LPCAT2: variants seen among roughly 807,000 people sequenced by gnomAD.
LPCAT2 encodes 1-AGP acyltransferase 11.
LPCAT2 carries 58 observed loss-of-function variants against 64.7 expected under a neutral mutation model. That is an observed-to-expected ratio of 0.90 (90% confidence interval 0.73 to 1.12). The LOEUF is 1.12. Among genes scored for constraint, LPCAT2 ranks in the 50% most tolerant of loss-of-function variants. LPCAT2 has a pLI of 0.00. For missense variants in LPCAT2, 579 were observed against 669.8 expected (o/e 0.86, Z 1.50); for synonymous variants, 252 against 245.3 (o/e 1.03, Z -0.26).
intron 1 of LPCAT2, among the ~76,000 whole-genome samples, chr16:55,517,363 A>G (rs1463410551): frequency 5.9e-5 from 9 of 152,164 alleles, no homozygotes; most frequent in Admixed American, 5.2e-4. Flanking sequence ...AACATCCCAC[A>G]GAGAAAAGTT....
chr16:55,572,097 A>G (rs1337213934), intron 11 of LPCAT2, among the ~76,000 whole-genome samples: 1 of 152,166 alleles, frequency 6.6e-6, no homozygotes, highest in African/African-American at 2.4e-5. Flanking sequence ...TGTGATCATC[A>G]AGATTCTTTG....
rs1165257570 is a variant in LPCAT2, at chr16:55,586,268, C to G, written c.*3170C>G. On this transcript the variant is annotated 3_prime_UTR_variant, in exon 14 of 14. Coordinates refer to ENST00000262134, the MANE Select transcript of LPCAT2 (RefSeq NM_017839.5). ...ACTGTAACTCTTGTTTCTAGGTAAT[C>G]GTTCTCTCTCAACAAACTTCTCAAG... 6.6e-6 allele frequency: 1 copy of G among 152,092 alleles called. No homozygotes were observed. Among genetic ancestry groups the G allele is most frequent in the Non-Finnish European group, 1.5e-5 (1 of 68,016 alleles). The allele number at this position is 152,092 out of a possible 1,614,324, so 9.4% of individuals were successfully genotyped here.
chr16:55,534,091 GC>G (rs1475043885), intron 6 of LPCAT2, among the ~76,000 whole-genome samples: 7 of 151,960 alleles, frequency 4.6e-5, no homozygotes, highest in African/African-American at 1.7e-4. Flanking sequence ...CCCCAAATAA[GC>G]TTTTTTTTGA....
intron 8 of LPCAT2, chr16:55,540,943 GTCTC>G (rs1371310205): frequency 6.6e-6 from 1 of 152,474 alleles, no homozygotes; most frequent in Admixed American, 6.6e-5. Context: ...TGTGAATGTG[GTCTC>G]TCTCTCTCTG....
chr16:55,562,746 T>G (rs1333902028), intron 11 of LPCAT2, among the ~76,000 whole-genome samples: 8 of 151,824 alleles, frequency 5.3e-5, no homozygotes, highest in Admixed American at 2.0e-4. Context: ...AAGGGCGATA[T>G]TATTATTATC....
intron 1 of LPCAT2, among the ~76,000 whole-genome samples, chr16:55,521,499 A>G (rs2142393410): frequency 6.6e-6 from 1 of 151,906 alleles, no homozygotes; most frequent in Admixed American, 6.6e-5. Flanking sequence ...TTACCTTGAT[A>G]CCAAATCTGA....
chr16:55,545,408 A>C (rs2142394867), intron 8 of LPCAT2: 1 of 201,396 alleles, frequency 5.0e-6, no homozygotes, highest in Non-Finnish European at 9.9e-6. Flanking sequence ...GAGGAGAAAG[A>C]TCTTAGTAGC....
intron 1 of LPCAT2, among the ~76,000 whole-genome samples, chr16:55,524,686 AG>A (rs1351737102): frequency 6.6e-6 from 1 of 152,096 alleles, no homozygotes; most frequent in Non-Finnish European, 1.5e-5. Flanking sequence ...ATCAGCTTAT[AG>A]AAAAAAAGGC....
intron 1 of LPCAT2, among the ~76,000 whole-genome samples, chr16:55,519,890 T>G (rs1963071089): frequency 6.6e-6 from 1 of 151,608 alleles, no homozygotes. Context: ...TGACTAAAAG[T>G]ACAAGAAGGT....
At chr16:55,528,190 C>T (rs1205693514) in intron 2 of LPCAT2, among the ~76,000 whole-genome samples, 187 bp from the exon 3 acceptor site, 1 of 152,124 alleles carries the variant, frequency 6.6e-6, no homozygotes, top group Admixed American at 6.6e-5. Context: ...ATATATAAAG[C>T]ATTTAGAATA....
At chr16:55,552,878 G>C (rs1963533115) in intron 11 of LPCAT2, among the ~76,000 whole-genome samples, 1 of 152,100 alleles carries the variant, frequency 6.6e-6, no homozygotes, top group Non-Finnish European at 1.5e-5. Flanking sequence ...GCTGGTTGTG[G>C]CACTTTAAAA....
chr16:55,517,056 A>C (rs960712774), intron 1 of LPCAT2, among the ~76,000 whole-genome samples: 4 of 152,182 alleles, frequency 2.6e-5, no homozygotes, highest in African/African-American at 9.6e-5. Flanking sequence ...TAATAAAACA[A>C]TAGAGAAAAA....
intron 9 of LPCAT2, among the ~76,000 whole-genome samples, chr16:55,546,052 A>G (rs1481182152): frequency 6.6e-6 from 1 of 152,294 alleles, no homozygotes; most frequent in African/African-American, 2.4e-5. Context: ...TGGAGAGGAT[A>G]CAATAACCAG....
At position 55,583,156 on chromosome 16, in the gene LPCAT2, T is replaced by A. The variant is rs2142429102; in HGVS notation, c.*58T>A. The A allele has an allele frequency of 7.9e-7, 1 of 1,267,782 alleles. No homozygotes were observed. The highest frequency in any genetic ancestry group is 2.1e-5 in the Admixed American group (1 of 47,958). The allele number at this position is 1,267,782 out of a possible 1,614,324, so 78.5% of individuals were successfully genotyped here. A position where few individuals can be genotyped will look rare whatever the true frequency, so the allele number is the denominator to read the frequency against. On this transcript the variant is annotated 3_prime_UTR_variant, in exon 14 of 14. Transcript: ENST00000262134. ...CTTTTGCTTGAAATTGTAAAGGCAC[T>A]TATTGATAATACTTTTAATGTGTTG...
At chr16:55,567,729 T>G (rs1384168832) in intron 11 of LPCAT2, 7 of 504,276 alleles carry the variant, frequency 1.4e-5, no homozygotes, top group African/African-American at 1.3e-4. Flanking sequence ...AGATTTGGAT[T>G]TATATGGACT....
chr16:55,557,281 CTCTG>C (rs1963588032), intron 11 of LPCAT2, among the ~76,000 whole-genome samples: 1 of 151,990 alleles, frequency 6.6e-6, no homozygotes, highest in Non-Finnish European at 1.5e-5. Flanking sequence ...GTCTCTCTCT[CTCTG>C]TCTTCTTCTC....
chr16:55,572,492 C>T (rs1963781183), intron 11 of LPCAT2, among the ~76,000 whole-genome samples: 1 of 152,124 alleles, frequency 6.6e-6, no homozygotes, highest in Non-Finnish European at 1.5e-5. Context: ...CAAGAAGCTC[C>T]TCAACCTCTA....
intron 1 of LPCAT2, among the ~76,000 whole-genome samples, chr16:55,514,789 A>C (rs1217568917): frequency 6.6e-6 from 1 of 152,194 alleles, no homozygotes; most frequent in African/African-American, 2.4e-5. Context: ...CAGATATTTA[A>C]AATATGGTCC....
At chr16:55,548,113 T>A (rs1963475047) in intron 9 of LPCAT2, among the ~76,000 whole-genome samples, 1 of 152,218 alleles carries the variant, frequency 6.6e-6, no homozygotes, top group South Asian at 2.1e-4. Context: ...AATTTAATGT[T>A]TCTAGCAATG....
Sources: gnomAD v4.1 joint callset for allele counts (sites outside exome capture counted in the v4.1 genomes callset) on GRCh38, gnomAD v4.1.1 for gene constraint, MANE v1.5 for transcripts, NCBI Gene and HGNC (gene_info 2026-07-23, HGNC 2026-07-21) for gene names.